Variants in LPAR1 observed in about 807,000 individuals in gnomAD.
The protein encoded by LPAR1 is LPA receptor 1.
A neutral mutation model predicts 23.8 loss-of-function variants in LPAR1; 5 were observed. That is an observed-to-expected ratio of 0.21 (90% CI 0.11 to 0.44). The LOEUF (loss-of-function observed/expected upper bound fraction) is 0.44, where lower values mean the gene tolerates loss of function less well. Among genes scored for constraint, LPAR1 ranks in the 20% least tolerant of loss-of-function variants. The probability of loss-of-function intolerance (pLI) is 0.99; values close to 1 mark genes in which losing one functional copy is unlikely to be tolerated. For synonymous variants in LPAR1, 160 were observed against 164.7 expected (o/e 0.97, Z 0.22); for missense variants, 311 against 482.8 (o/e 0.64, Z 3.33).
At chr9:110,913,697 T>C (rs967869215) in intron 5 of LPAR1, among the ~76,000 whole-genome samples, 4 of 152,128 alleles carry the variant, frequency 2.6e-5, no homozygotes, top group Non-Finnish European at 4.4e-5. Context: ...AGTGGAGTTA[T>C]GGAAAATAAG....
At chr9:110,896,249 T>C (rs1032736068) in intron 5 of LPAR1, among the ~76,000 whole-genome samples, 2 of 152,206 alleles carry the variant, frequency 1.3e-5, no homozygotes, top group African/African-American at 4.8e-5. Context: ...TTCAAAAACA[T>C]TGCTGACAAT....
intron 5 of LPAR1, among the ~76,000 whole-genome samples, chr9:110,935,505 T>G (rs2094641872): frequency 6.6e-6 from 1 of 151,976 alleles, no homozygotes; most frequent in Admixed American, 6.6e-5. Flanking sequence ...GAAAAAAATA[T>G]TGGCTGGGCA....
At chr9:110,985,438 G>A (rs955525877) in intron 2 of LPAR1, among the ~76,000 whole-genome samples, 4 of 151,774 alleles carry the variant, frequency 2.6e-5, no homozygotes, top group Non-Finnish European at 5.9e-5. Context: ...TTTTCTACAG[G>A]GCACAGAGCT....
rs768789545 is a variant in LPAR1 at position 110,875,470 on chromosome 9, T to G, written c.1046A>C (p.Asn349Thr). The G allele has an allele frequency of 1.2e-6, 2 of 1,613,682 alleles. No individual in the cohort carries two copies. The highest frequency in any genetic ancestry group is 2.7e-5 in the African/African-American group (2 of 74,860). ...EGSDRSASSLNHTILAGVHSN... is the reference protein window; with the variant it reads ...EGSDRSASSLTHTILAGVHSN... ...GTGAACTCCAGCCAAGATGGTGTGGTTGAGGGAGGAAGCCGAGCGGTCTGA... is the reference window on the plus strand; with the variant it reads ...GTGAACTCCAGCCAAGATGGTGTGGGTGAGGGAGGAAGCCGAGCGGTCTGA... The change falls in exon 6 of 6, where the codon AAC (asparagine) becomes ACC (threonine). Residue 349 changes from asparagine to threonine, a missense_variant. Transcript: ENST00000683809.
intron 2 of LPAR1, among the ~76,000 whole-genome samples, chr9:111,015,130 C>T (rs1181593115): frequency 6.6e-6 from 1 of 152,142 alleles, no homozygotes; most frequent in African/African-American, 2.4e-5. Context: ...GAAAACAGTC[C>T]TCACAATTCT....
In LPAR1 at chr9:110,903,882, CAAAAAA is replaced by C. The variant is rs61456167; in HGVS notation, c.794-28166_794-28161del. Among the ~76,000 whole-genome samples, 18 of 77,254 alleles carry C rather than the reference CAAAAAA, an allele frequency of 2.3e-4. 1 individual carries two copies. In the East Asian group the frequency reaches 3.7e-3, roughly 16 times the overall value. 50.7% of individuals were successfully genotyped at this position (77,254 alleles called of 152,430 possible). The stretch of plus-strand genomic sequence containing the variant: ...AATTAAAATTTTGATAAGTGAATTG[CAAAAAA>C]AAAAAAAAAAAAAAAAGTCTTGAAA... On this transcript the variant is annotated intron_variant, in intron 5 of 5. Transcript: ENST00000683809.
chr9:110,942,006 C>G lies in LPAR1; in HGVS notation c.208G>C (p.Val70Leu). 2.5e-6 allele frequency: 4 copies of G among 1,614,164 alleles called. No homozygotes were observed. The highest frequency in any genetic ancestry group is 3.4e-6 in the Non-Finnish European group (4 of 1,180,016). Residue 70 changes from valine to leucine, a missense_variant, in exon 5 of 6, where the codon GTC becomes CTC. Physicochemically the swap from Val to Leu is conservative, Grantham distance 32. Around this residue, in one of 2 missense-constraint regions of LPAR1, gnomAD observed 250 missense variants for 427.2 expected, o/e 0.59. Transcript: ENST00000683809. The stretch of plus-strand genomic sequence containing the variant: ...CGGTTGACATAGATTGCCACCATGA[C>G]CAATAGGTTGGCCAACATGATGAAG... The part of the protein sequence containing the change: ...CIFIMLANLL[V>L]MVAIYVNRRF...
At chr9:110,951,617 T>C (rs1365079168) in intron 4 of LPAR1, among the ~76,000 whole-genome samples, 2 of 152,168 alleles carry the variant, frequency 1.3e-5, no homozygotes, top group Non-Finnish European at 1.5e-5. Flanking sequence ...TGGCAAAAAT[T>C]ACCAAGTTGG....
intron 5 of LPAR1, among the ~76,000 whole-genome samples, chr9:110,888,606 T>C (rs911424716): frequency 6.7e-6 from 1 of 150,132 alleles, no homozygotes; most frequent in African/African-American, 2.4e-5. Flanking sequence ...GTTTAGGTTC[T>C]AAGATAAATG....
At chr9:110,982,189 A>C (rs1564244075) in intron 2 of LPAR1, among the ~76,000 whole-genome samples, 2 of 152,136 alleles carry the variant, frequency 1.3e-5, no homozygotes. Context: ...TGTTTACTGC[A>C]GCATTGTTCA....
chr9:111,026,372 G>C (rs1182364770), intron 2 of LPAR1, among the ~76,000 whole-genome samples: 1 of 152,188 alleles, frequency 6.6e-6, no homozygotes, highest in Non-Finnish European at 1.5e-5. Flanking sequence ...TTTGCACATT[G>C]ATTTTGTATC....
intron 5 of LPAR1, among the ~76,000 whole-genome samples, chr9:110,888,141 C>T (rs1035392556): frequency 2.0e-5 from 3 of 152,118 alleles, no homozygotes; most frequent in Non-Finnish European, 2.9e-5. Context: ...AAAAATGATA[C>T]TTTAAACATC....
intron 4 of LPAR1, among the ~76,000 whole-genome samples, chr9:110,951,566 A>G (rs1452838692): frequency 1.3e-5 from 2 of 152,216 alleles, no homozygotes; most frequent in Non-Finnish European, 2.9e-5. Flanking sequence ...TCAGAGAATT[A>G]ATTACAAACT....
chr9:111,000,953 T>A (rs1248635396), intron 2 of LPAR1, among the ~76,000 whole-genome samples: 3 of 152,082 alleles, frequency 2.0e-5, no homozygotes, highest in African/African-American at 7.2e-5. Flanking sequence ...AGACAGCTGG[T>A]ACACTAAGCT....
intron 2 of LPAR1, among the ~76,000 whole-genome samples, chr9:111,001,608 T>C (rs146455608): frequency 3.9e-5 from 6 of 152,344 alleles, no homozygotes; most frequent in African/African-American, 1.4e-4. Flanking sequence ...ACTAAAGGCC[T>C]GAACATAATT....
chr9:110,962,006 C>T (rs770152685), intron 4 of LPAR1, among the ~76,000 whole-genome samples: 14 of 152,168 alleles, frequency 9.2e-5, no homozygotes, highest in Admixed American at 2.6e-4. Flanking sequence ...TAACTGATGA[C>T]TATAATCCTC....
chr9:110,878,776 C>A (rs1042244811), intron 5 of LPAR1, among the ~76,000 whole-genome samples: 2 of 152,038 alleles, frequency 1.3e-5, no homozygotes, highest in African/African-American at 4.8e-5. Context: ...GTTGCAGAGC[C>A]CTAGGATAGA....
intron 5 of LPAR1, among the ~76,000 whole-genome samples, chr9:110,880,301 T>C (rs2080388988): frequency 6.6e-6 from 1 of 152,206 alleles, no homozygotes; most frequent in Non-Finnish European, 1.5e-5. Context: ...GGAATGAGGC[T>C]GTTTTGGAAC....
intron 4 of LPAR1, among the ~76,000 whole-genome samples, chr9:110,960,710 G>A (rs548435730): frequency 6.6e-6 from 1 of 152,170 alleles, no homozygotes; most frequent in African/African-American, 2.4e-5. Flanking sequence ...AAATGGGAGG[G>A]AATGTTAATT....
Sources: allele counts gnomAD v4.1 joint callset (sites outside exome capture counted in the v4.1 genomes callset), GRCh38; gene constraint gnomAD v4.1.1; regional missense constraint gnomAD v4.1.1; transcripts MANE v1.5; gene names NCBI Gene and HGNC (gene_info 2026-07-23, HGNC 2026-07-21).